The following RAB19 variants were observed in gnomAD, a reference collection of about 807,000 sequenced individuals.
RAB19 encodes the protein RAB19, member RAS oncogene family, also known as ras-related protein Rab-19.
A neutral mutation model predicts 17.3 loss-of-function variants in RAB19; 21 were observed. The observed-to-expected ratio is 1.21, with a 90% CI of 0.86 to 1.74. The LOEUF is 1.74. Ranked by LOEUF, RAB19 falls within the 40% of genes most tolerant of loss-of-function variation. The pLI, the probability that RAB19 is intolerant of heterozygous loss-of-function variation, is 0.00. For missense variants in RAB19, 277 were observed against 286.8 expected, an observed-to-expected ratio of 0.97 and a Z score of 0.25; for synonymous variants, 126 against 110.4, an observed-to-expected ratio of 1.14 and a Z score of -0.88.
chr7:140,415,169 G>T (rs1225072689), intron 3 of RAB19, among the ~76,000 whole-genome samples: 1 of 151,800 alleles, frequency 6.6e-6, no homozygotes, highest in African/African-American at 2.4e-5. Flanking sequence ...CCACCACCCG[G>T]GTTCAAGTGA....
intron 2 of RAB19, among the ~76,000 whole-genome samples, 184 bp downstream of exon 2, chr7:140,408,031 C>T (rs1335763823): frequency 6.9e-6 from 1 of 144,684 alleles, no homozygotes; most frequent in Non-Finnish European, 1.5e-5. Flanking sequence ...GCGCCCGCCA[C>T]CACGCCCGGC....
chr7:140,413,445 A>G (rs930486039), intron 3 of RAB19, among the ~76,000 whole-genome samples: 1 of 152,100 alleles, frequency 6.6e-6, no homozygotes, highest in Non-Finnish European at 1.5e-5. Context: ...ACGGTGGTTC[A>G]TGCCTGTAAT....
At chr7:140,407,934 G>T in intron 2 of RAB19, 87 bp downstream of exon 2, 3 of 1,017,470 alleles carry the variant, frequency 2.9e-6, no homozygotes, top group South Asian at 1.6e-5. Context: ...GCGCGATCTC[G>T]GCTCACTGCA....
rs144754394 is a variant in RAB19 at position 140,426,103 on chromosome 7, G to A, written c.607G>A (p.Val203Ile). The change falls in exon 4 of 4, where the codon GTT becomes ATT. Residue 203 changes from valine (V) to isoleucine (I), a missense_variant. Physicochemically the swap from Val to Ile is conservative, Grantham distance 29. Coordinates refer to ENST00000537763, the MANE Select transcript of RAB19 (RefSeq NM_001008749.3). ...CGGCCTCCCCCTGGACTCCAGCCCC[G>A]TTCTTATGGCCCAGGGTCCAAGTGA... Reference protein sequence around the residue: ...LNGLPLDSSPVLMAQGPSEKT... With the variant: ...LNGLPLDSSPILMAQGPSEKT... 130 of 1,614,114 alleles carry A rather than the reference G, an allele frequency of 8.1e-5. 1 individual carries two copies. In the African/African-American group the frequency reaches 1.6e-3, roughly 20 times the overall value.
intron 3 of RAB19, among the ~76,000 whole-genome samples, chr7:140,417,052 C>G (rs1006425199): frequency 1.4e-5 from 2 of 145,740 alleles, no homozygotes; most frequent in African/African-American, 5.2e-5. Flanking sequence ...ATGGTGAAAC[C>G]CCATCTCTAC....
In RAB19 at chr7:140,412,012, G is replaced by A; in HGVS notation, c.340G>A (p.Glu114Lys). ...CGAGTCCATCCCTCACTGGATTCATGAGATAGAGAAATATGGAGCTGCAAA... is the reference window on the plus strand; with the variant it reads ...CGAGTCCATCCCTCACTGGATTCATAAGATAGAGAAATATGGAGCTGCAAA... ...TFESIPHWIH[E>K]IEKYGAANVV... The change falls in exon 3 of 4, where the codon GAG becomes AAG. Residue 114 changes from glutamate (E) to lysine (K), a missense_variant. Transcript: ENST00000537763. 6.2e-7 allele frequency: 1 copy of A among 1,613,860 alleles called. No individual in the cohort carries two copies. Among genetic ancestry groups the A allele is most frequent in the Middle Eastern group, 1.6e-4 (1 of 6,062 alleles).
rs35384452 is a variant in RAB19, at chr7:140,427,452, CT to C, written c.*1318del. 0.43 allele frequency among the ~76,000 whole-genome samples: 52,112 copies of C among 121,494 alleles called. 10,443 individuals carry two copies. The highest frequency in any genetic ancestry group is 0.45 in the African/African-American group (14,148 of 31,390). 79.7% of individuals were successfully genotyped at this position (121,494 alleles called of 152,430 possible). A position where few individuals can be genotyped will look rare whatever the true frequency, so the allele number is the denominator to read the frequency against. ...CAGGCATGAGCCACCATGCCCGGCC[CT>C]TTTTTTTTTTTTTTTGAGACAGAGT... On this transcript the variant is annotated 3_prime_UTR_variant, in exon 4 of 4. Coordinates refer to ENST00000537763, the MANE Select transcript of RAB19 (RefSeq NM_001008749.3).
intron 2 of RAB19, among the ~76,000 whole-genome samples, chr7:140,410,615 CG>C (rs1799341910): frequency 6.6e-6 from 1 of 151,658 alleles, no homozygotes; most frequent in Non-Finnish European, 1.5e-5. Flanking sequence ...CGTGAGCCAC[CG>C]CGCCCGGCCT....
rs1215393089 is a variant in RAB19 at position 140,427,138 on chromosome 7, G to A, written c.*988G>A. ...ATTACAGGCATGAGCCACCATGCCT[G>A]TTCTTTTTTTTTTTTTTTTTTTTTG... On this transcript the variant is annotated 3_prime_UTR_variant, in exon 4 of 4. Transcript: ENST00000537763. Among the ~76,000 whole-genome samples the A allele has an allele frequency of 1.3e-4, 16 of 119,324 alleles. No individual in the cohort carries two copies. Among genetic ancestry groups the A allele is most frequent in the African/African-American group, 5.2e-4 (16 of 30,662 alleles). The allele number at this position is 119,324 out of a possible 152,430, so 78.3% of individuals were successfully genotyped here. A position where few individuals can be genotyped will look rare whatever the true frequency, so the allele number is the denominator to read the frequency against.
intron 3 of RAB19, among the ~76,000 whole-genome samples, chr7:140,418,396 CAAAAAAAAAAAAAAAA>C (rs140238398): frequency 1.4e-5 from 1 of 70,356 alleles, no homozygotes; most frequent in South Asian, 5.1e-4. Flanking sequence ...TGCTAAAATA[CAAAAAAAAAAAAAAAA>C]AAAAAAAAAA....
At chr7:140,420,250 G>A (rs912218677) in intron 3 of RAB19, among the ~76,000 whole-genome samples, 3 of 151,926 alleles carry the variant, frequency 2.0e-5, no homozygotes, top group South Asian at 4.1e-4. Flanking sequence ...GCGAAACCCC[G>A]TCTCTACTAA....
intron 3 of RAB19, among the ~76,000 whole-genome samples, chr7:140,417,341 G>A (rs1216303978): frequency 1.3e-5 from 2 of 151,570 alleles, no homozygotes; most frequent in African/African-American, 2.4e-5. Context: ...GTTCAAGGCT[G>A]CAGTGAGCTA....
intron 3 of RAB19, 87 bp downstream of exon 3, chr7:140,412,144 T>C: frequency 7.4e-7 from 1 of 1,359,476 alleles, no homozygotes; most frequent in Non-Finnish European, 1.0e-6. Context: ...CAGTGGAAAA[T>C]GAAATCTTAA....
chr7:140,416,515 A>C (rs1799460482), intron 3 of RAB19, among the ~76,000 whole-genome samples: 1 of 152,156 alleles, frequency 6.6e-6, no homozygotes, highest in South Asian at 2.1e-4. Context: ...CCGGGTCCAT[A>C]GCATATGTTA....
intron 2 of RAB19, among the ~76,000 whole-genome samples, chr7:140,408,848 TC>T (rs1256470145): frequency 6.6e-6 from 1 of 151,878 alleles, no homozygotes; most frequent in Non-Finnish European, 1.5e-5. Flanking sequence ...AGCCTCCATC[TC>T]CCCGACTCAA....
chr7:140,417,620 T>C (rs538166869), intron 3 of RAB19, among the ~76,000 whole-genome samples: 1 of 152,148 alleles, frequency 6.6e-6, no homozygotes, highest in South Asian at 2.1e-4. Context: ...GAGCTTCCTG[T>C]GGCTGCTGTA....
chr7:140,417,847 A>C (rs866164027), intron 3 of RAB19, among the ~76,000 whole-genome samples: 2 of 152,134 alleles, frequency 1.3e-5, no homozygotes, highest in African/African-American at 4.8e-5. Flanking sequence ...GTGTGGGATC[A>C]AGTCTCCCTC....
intron 3 of RAB19, among the ~76,000 whole-genome samples, chr7:140,424,193 T>G (rs1799611476): frequency 6.8e-6 from 1 of 148,030 alleles, no homozygotes; most frequent in Non-Finnish European, 1.5e-5. Context: ...GTTTCGCTGT[T>G]GTCACCCAGG....
Position 140,411,928 on chromosome 7 carries a change from T to C in RAB19, c.256T>C (p.Tyr86His), listed in dbSNP as rs1291109526. The change falls in exon 3 of 4, where the codon TAC becomes CAC. Residue 86 changes from tyrosine (Y) to histidine (H), a missense_variant. By Grantham distance (83) the Tyr-to-His change is moderately conservative. Coordinates refer to ENST00000537763, the MANE Select transcript of RAB19 (RefSeq NM_001008749.3). The stretch of plus-strand genomic sequence containing the variant: ...GCGCTTCCGCACCATCACCCAAAGC[T>C]ACTACCGCAGTGCCCACGCAGCCAT... ...QERFRTITQS[Y>H]YRSAHAAIIA... The C allele has an allele frequency of 1.2e-6, 2 of 1,614,060 alleles. No individual in the cohort carries two copies. Among genetic ancestry groups the C allele is most frequent in the Non-Finnish European group, 1.7e-6 (2 of 1,180,036 alleles).
Sources: allele counts gnomAD v4.1 joint callset (sites outside exome capture counted in the v4.1 genomes callset), GRCh38; gene constraint gnomAD v4.1.1; transcripts MANE v1.5; gene names NCBI Gene and HGNC (gene_info 2026-07-23, HGNC 2026-07-21).